The following VWC2 variants were observed in gnomAD, a reference collection of about 807,000 sequenced individuals.
VWC2 encodes the protein brorin.
VWC2 carries 14 observed loss-of-function variants against 29.8 expected under a neutral mutation model. The observed-to-expected ratio is 0.47, with a 90% confidence interval of 0.31 to 0.74. The LOEUF is 0.74. Among genes scored for constraint, VWC2 ranks in the 30% least tolerant of loss-of-function variants. The probability of loss-of-function intolerance (pLI) is 0.05; values close to 1 mark genes in which losing one functional copy is unlikely to be tolerated. For missense variants in VWC2, 457 were observed against 459.8 expected (o/e 0.99, Z 0.05); for synonymous variants, 213 against 199.0 (o/e 1.07, Z -0.59).
At chr7:49,789,759 A>C (rs1258421805) in intron 2 of VWC2, among the ~76,000 whole-genome samples, 10 of 152,250 alleles carry the variant, frequency 6.6e-5, no homozygotes. Context: ...GGTCAGATGC[A>C]GTTGACATTA....
chr7:49,810,246 G>A (rs1788977118), intron 3 of VWC2, among the ~76,000 whole-genome samples: 1 of 151,868 alleles, frequency 6.6e-6, no homozygotes. Flanking sequence ...ATACATTTTT[G>A]TAGTATACAA....
intron 3 of VWC2, among the ~76,000 whole-genome samples, chr7:49,885,405 A>T (rs1791856600): frequency 6.6e-6 from 1 of 152,156 alleles, no homozygotes; most frequent in African/African-American, 2.4e-5. Context: ...CATAAAAATT[A>T]AGAATAAAAA....
At chr7:49,851,847 C>T (rs1583678222) in intron 3 of VWC2, among the ~76,000 whole-genome samples, 1 of 151,450 alleles carries the variant, frequency 6.6e-6, no homozygotes, top group East Asian at 1.9e-4. Context: ...CAGAGCAAGA[C>T]TCTGTCTAAA....
chr7:49,832,922 C>CA (rs1447354164), intron 3 of VWC2, among the ~76,000 whole-genome samples: 1 of 152,178 alleles, frequency 6.6e-6, no homozygotes, highest in Non-Finnish European at 1.5e-5. Context: ...AACCCTGCTC[C>CA]AAGGAGATCA....
intron 3 of VWC2, among the ~76,000 whole-genome samples, chr7:49,861,345 CT>C (rs1562737606): frequency 6.6e-6 from 1 of 152,086 alleles, no homozygotes; most frequent in Admixed American, 6.5e-5. Context: ...AGTTGCTTGC[CT>C]TTTTGTTGTT....
At chr7:49,802,898 G>T in intron 3 of VWC2, 58 bp downstream of exon 3, 2 of 1,610,404 alleles carry the variant, frequency 1.2e-6, no homozygotes, top group Non-Finnish European at 1.7e-6. Flanking sequence ...CACAACCCAT[G>T]TGCTGCTTCA....
chr7:49,856,498 T>C (rs948090135), intron 3 of VWC2, among the ~76,000 whole-genome samples: 11 of 152,152 alleles, frequency 7.2e-5, no homozygotes, highest in African/African-American at 2.4e-4. Flanking sequence ...TCTTTAAAAA[T>C]TACCCTTTAT....
chr7:49,849,408 G>A (rs1398292207), intron 3 of VWC2, among the ~76,000 whole-genome samples: 2 of 152,154 alleles, frequency 1.3e-5, no homozygotes, highest in African/African-American at 2.4e-5. Context: ...TGCTCCTGAG[G>A]GCTCCAAAAG....
chr7:49,821,656 T>A (rs527393261), intron 3 of VWC2, among the ~76,000 whole-genome samples: 11 of 151,858 alleles, frequency 7.2e-5, no homozygotes, highest in Non-Finnish European at 1.6e-4. Flanking sequence ...ACAAATCTAT[T>A]CTTGGATGAA....
intron 3 of VWC2, among the ~76,000 whole-genome samples, chr7:49,884,402 C>A (rs1791807425): frequency 6.6e-6 from 1 of 152,180 alleles, no homozygotes. Flanking sequence ...AGTCTCAAAT[C>A]TGTCTCCTTG....
rs955492786 is a variant in VWC2 at position 49,843,911 on chromosome 7, G to A, written c.826+41071G>A. On this transcript the variant is annotated intron_variant, in intron 3 of 3. Coordinates refer to ENST00000340652, the MANE Select transcript of VWC2 (RefSeq NM_198570.5). ...ATAATCCCTGATAGATGGAGAGATA[G>A]CAGAGCTTTAAAAGATGAAGAAAAG... Among the ~76,000 whole-genome samples the A allele has an allele frequency of 9.2e-5, 14 of 152,318 alleles. 1 individual carries two copies. The East Asian group carries it at 2.1e-3, about 23-fold the overall frequency.
chr7:49,920,673 T>C lies in VWC2; in HGVS notation c.*8488T>C, dbSNP rs1793978206. ...AACTATTTGCACATAGCTATAAATA[T>C]AGCATGAATAAAACACATATGTATT... is the stretch of plus-strand genomic sequence containing the variant. On this transcript the variant is annotated 3_prime_UTR_variant, in exon 4 of 4. Coordinates refer to ENST00000340652, the MANE Select transcript of VWC2 (RefSeq NM_198570.5). 2 of 152,154 alleles carry C rather than the reference T, an allele frequency of 1.3e-5. No individual in the cohort carries two copies. The highest frequency in any genetic ancestry group is 2.4e-5 in the African/African-American group (1 of 41,442). The allele number at this position is 152,154 out of a possible 1,614,324, so 9.4% of individuals were successfully genotyped here.
At chr7:49,791,123 C>T (rs499395) in intron 2 of VWC2, among the ~76,000 whole-genome samples, 70,477 of 152,010 alleles carry the variant, frequency 0.46, 17,035 homozygotes, top group East Asian at 0.85. Context: ...CATTTTCCTC[C>T]AGCTCTGAAA....
chr7:49,809,460 T>C (rs1788949996), intron 3 of VWC2, among the ~76,000 whole-genome samples: 1 of 152,048 alleles, frequency 6.6e-6, no homozygotes. Flanking sequence ...ATAATACCAA[T>C]CTTTTACAAA....
At chr7:49,906,618 G>A (rs1163409037) in intron 3 of VWC2, among the ~76,000 whole-genome samples, 1 of 152,158 alleles carries the variant, frequency 6.6e-6, no homozygotes, top group East Asian at 1.9e-4. Flanking sequence ...TTACAGGCGT[G>A]AGCCACCGCA....
chr7:49,911,968 A>G (rs1793476958), intron 3 of VWC2, 66 bp from the exon 4 acceptor site: 2 of 1,038,972 alleles, frequency 1.9e-6, no homozygotes, highest in African/African-American at 2.0e-5. Flanking sequence ...GTAATGCTTA[A>G]TACCTAATTA....
intron 2 of VWC2, among the ~76,000 whole-genome samples, chr7:49,801,523 G>A (rs691785): frequency 0.62 from 94,053 of 152,132 alleles, 29,956 homozygotes; most frequent in African/African-American, 0.71. Flanking sequence ...GGAGGGTCCC[G>A]TTAGCCACGT....
chr7:49,831,699 T>G (rs938052973), intron 3 of VWC2, among the ~76,000 whole-genome samples: 1 of 152,156 alleles, frequency 6.6e-6, no homozygotes, highest in Admixed American at 6.5e-5. Flanking sequence ...AGTTCCTGAC[T>G]CTGGCAGTGA....
Position 49,773,867 on chromosome 7 carries a change from CGGGCACTGACGCGAGTTG to C in VWC2, c.-345_-328del, listed in dbSNP as rs1455732773. The C allele has an allele frequency of 6.6e-6, 1 of 152,322 alleles. No homozygotes were observed. Among genetic ancestry groups the C allele is most frequent in the Non-Finnish European group, 1.5e-5 (1 of 68,194 alleles). 9.4% of individuals were successfully genotyped at this position (152,322 alleles called of 1,614,324 possible). A position where few individuals can be genotyped will look rare whatever the true frequency, so the allele number is the denominator to read the frequency against. The stretch of plus-strand genomic sequence containing the variant: ...GGAGGATGAGCGACTGAGGGCGACG[CGGGCACTGACGCGAGTTG>C]GGGCCGCGACTACCGGCAGCTGACA... On this transcript the variant is annotated 5_prime_UTR_variant, in exon 1 of 4. Transcript: ENST00000340652.
Sources: allele counts gnomAD v4.1 joint callset (sites outside exome capture counted in the v4.1 genomes callset), GRCh38; gene constraint gnomAD v4.1.1; transcripts MANE v1.5; gene names NCBI Gene and HGNC (gene_info 2026-07-23, HGNC 2026-07-21).